The following PKHD1 variants were observed in gnomAD, a reference collection of about 807,000 sequenced individuals.
The protein encoded by PKHD1 is fibrocystin.
PKHD1 carries 291 observed loss-of-function variants against 412.0 expected under a neutral mutation model. The observed-to-expected ratio is 0.71, with a 90% CI of 0.64 to 0.78. The LOEUF is 0.78. Ranked by LOEUF, PKHD1 falls within the 30% of genes least tolerant of loss-of-function variation. PKHD1 has a pLI of 0.00. For synonymous variants in PKHD1, 1,777 were observed against 1,821.5 expected, an observed-to-expected ratio of 0.98 and a Z score of 0.62; for missense variants, 4,825 against 4,950.7, an observed-to-expected ratio of 0.97 and a Z score of 0.76.
At position 51,906,224 on chromosome 6, in the gene PKHD1, G is replaced by A. The variant is rs202099228; in HGVS notation, c.6799C>T (p.Leu2267=). 3 of 1,611,926 alleles carry A rather than the reference G, an allele frequency of 1.9e-6. No homozygotes were observed. The highest frequency in any genetic ancestry group is 2.5e-6 in the Non-Finnish European group (3 of 1,178,286). Residue 2267 remains leucine (L), a synonymous_variant, in exon 41 of 67, where the codon CTG becomes TTG. Coordinates refer to ENST00000371117, the MANE Select transcript of PKHD1 (RefSeq NM_138694.4). ...AGCTTGTTTTACTTACCAACTAGCA[G>A]CGCATGACCTAAAATATTGTAGAAT... ...NVFYNILGHA[L]LVGTCTEMRY... is the part of the protein sequence containing the mutation.
intron 12 of PKHD1, among the ~76,000 whole-genome samples, chr6:52,065,283 T>G (rs1582060171): frequency 6.7e-6 from 1 of 149,708 alleles, no homozygotes; most frequent in Non-Finnish European, 1.5e-5. Context: ...AAGGGCTGGG[T>G]GTGGATGGAA....
At chr6:51,675,363 C>T (rs1383708479) in intron 60 of PKHD1, among the ~76,000 whole-genome samples, 1 of 152,252 alleles carries the variant, frequency 6.6e-6, no homozygotes, top group Middle Eastern at 3.4e-3. Flanking sequence ...ATCTTTCTCC[C>T]TTGTTTTTGT....
intron 56 of PKHD1, 132 bp downstream of exon 56, chr6:51,754,652 T>C: frequency 1.3e-6 from 1 of 756,320 alleles, no homozygotes. Flanking sequence ...CCACGTAGCA[T>C]GAGTCTAGGT....
chr6:52,017,247 G>T (rs1330302570), intron 34 of PKHD1, among the ~76,000 whole-genome samples, 163 bp downstream of exon 34: 1 of 152,196 alleles, frequency 6.6e-6, no homozygotes, highest in Admixed American at 6.5e-5. Context: ...GCTTTGATAT[G>T]CAGGCTGGCT....
Position 51,649,119 on chromosome 6 carries a change from G to A in PKHD1, c.11276C>T (p.Pro3759Leu). ...CAAAAATACCAATTGTGGCTGCACT[G>A]GAAGCTCATTTCCCACTTCTCCATC... ...PSDGEVGNEL[P>L]VQPQLVFLDE... Residue 3759 changes from proline (P) to leucine (L), a missense_variant, in exon 62 of 67, where the codon CCA becomes CTA. Pro to Leu is a moderately conservative substitution (Grantham distance 98). Coordinates refer to ENST00000371117, the MANE Select transcript of PKHD1 (RefSeq NM_138694.4). 3 of 1,613,834 alleles carry A rather than the reference G, an allele frequency of 1.9e-6. No homozygotes were observed. The highest frequency in any genetic ancestry group is 2.5e-6 in the Non-Finnish European group (3 of 1,179,798).
intron 52 of PKHD1, among the ~76,000 whole-genome samples, chr6:51,815,932 T>C (rs572800178): frequency 2.5e-4 from 38 of 152,338 alleles, no homozygotes; most frequent in South Asian, 8.3e-4. Flanking sequence ...TGAAACCATA[T>C]ACATATATGA....
chr6:51,807,452 AAAAAAAATATAT>A lies in PKHD1; in HGVS notation c.8303-16091_8303-16080del, dbSNP rs1336353224. Reference sequence around the variant, plus strand: ...GACTCTGTCTCAAAAAAAAAAAAAAAAAAAAAATATATATATATATATATATATGTATATGTG... The same window carrying A: ...GACTCTGTCTCAAAAAAAAAAAAAAAATATATATATATATATGTATATGTG... On this transcript the variant is annotated intron_variant, in intron 52 of 66. Transcript: ENST00000371117. Among the ~76,000 whole-genome samples the A allele has an allele frequency of 2.4e-4, 20 of 82,304 alleles. 1 individual carries two copies. The highest frequency in any genetic ancestry group is 9.6e-4 in the African/African-American group (16 of 16,734). The allele number at this position is 82,304 out of a possible 152,430, so 54.0% of individuals were successfully genotyped here.
chr6:51,716,832 C>T (rs144457374), intron 60 of PKHD1, among the ~76,000 whole-genome samples: 2 of 152,030 alleles, frequency 1.3e-5, no homozygotes, highest in East Asian at 1.9e-4. Flanking sequence ...CCCCCTCCAA[C>T]CACATGTAGG....
chr6:51,897,101 C>A (rs1165130773), intron 43 of PKHD1, among the ~76,000 whole-genome samples: 5 of 151,912 alleles, frequency 3.3e-5, no homozygotes, highest in African/African-American at 1.2e-4. Flanking sequence ...AGGATATTAT[C>A]CAGGAGAACT....
intron 55 of PKHD1, among the ~76,000 whole-genome samples, chr6:51,768,875 A>G (rs1209819017): frequency 6.6e-6 from 1 of 151,846 alleles, no homozygotes; most frequent in Non-Finnish European, 1.5e-5. Context: ...CATTAATTTA[A>G]AAGAAGTATC....
intron 48 of PKHD1, among the ~76,000 whole-genome samples, chr6:51,856,858 A>G (rs1401199619): frequency 1.3e-5 from 2 of 152,224 alleles, no homozygotes; most frequent in Non-Finnish European, 2.9e-5. Flanking sequence ...GGCCCAGCAC[A>G]CAGTGGCACC....
At chr6:51,996,828 C>G (rs779995425) in intron 35 of PKHD1, among the ~76,000 whole-genome samples, 9 of 152,208 alleles carry the variant, frequency 5.9e-5, no homozygotes, top group Non-Finnish European at 1.3e-4. Context: ...TCATTGAGGT[C>G]AAGTGTTTGC....
At chr6:52,070,939 T>C (rs1406566016) in intron 9 of PKHD1, 67 bp downstream of exon 9, 1 of 943,322 alleles carries the variant, frequency 1.1e-6, no homozygotes, top group Non-Finnish European at 1.8e-6. Flanking sequence ...ATCTTGCAAT[T>C]GCTTTTGTCC....
chr6:51,786,344 C>T (rs985049706), intron 53 of PKHD1, among the ~76,000 whole-genome samples: 1 of 152,168 alleles, frequency 6.6e-6, no homozygotes, highest in African/African-American at 2.4e-5. Context: ...CACTCCCTGA[C>T]GATTTCTTTC....
intron 60 of PKHD1, among the ~76,000 whole-genome samples, chr6:51,678,377 T>C (rs1460009321): frequency 2.0e-5 from 3 of 152,174 alleles, no homozygotes; most frequent in Non-Finnish European, 1.5e-5. Flanking sequence ...TTCCTATAAT[T>C]TTAAAAAGAG....
At chr6:51,643,142 A>G (rs754596528) in intron 63 of PKHD1, among the ~76,000 whole-genome samples, 6 of 152,168 alleles carry the variant, frequency 3.9e-5, no homozygotes, top group African/African-American at 7.2e-5. Context: ...TTTCTATACC[A>G]AAACACCAAC....
intron 55 of PKHD1, among the ~76,000 whole-genome samples, chr6:51,756,505 A>C (rs1787033601): frequency 6.6e-6 from 1 of 152,202 alleles, no homozygotes; most frequent in Non-Finnish European, 1.5e-5. Flanking sequence ...AATTATAAGA[A>C]GTCTATGATC....
At chr6:51,977,049 A>T (rs1794555042) in intron 35 of PKHD1, among the ~76,000 whole-genome samples, 1 of 152,118 alleles carries the variant, frequency 6.6e-6, no homozygotes, top group South Asian at 2.1e-4. Context: ...CAGATTAAAA[A>T]ATTAAACTTA....
chr6:51,874,148 A>G (rs1394493252), intron 46 of PKHD1, among the ~76,000 whole-genome samples: 1 of 152,240 alleles, frequency 6.6e-6, no homozygotes, highest in Non-Finnish European at 1.5e-5. Context: ...AAGCAACTCC[A>G]TCAGCATCTG....
Sources: gnomAD v4.1 joint callset for allele counts (sites outside exome capture counted in the v4.1 genomes callset) on GRCh38, gnomAD v4.1.1 for gene constraint, MANE v1.5 for transcripts, NCBI Gene and HGNC (gene_info 2026-07-23, HGNC 2026-07-21) for gene names.